Variants in PLA2G4C observed in about 807,000 individuals in gnomAD.
The protein encoded by PLA2G4C is cytosolic phospholipase A2 gamma.
A neutral mutation model predicts 73.8 loss-of-function variants in PLA2G4C; 64 were observed. The observed-to-expected ratio is 0.87, with a 90% CI of 0.71 to 1.07. PLA2G4C has a LOEUF of 1.07. Among genes scored for constraint, PLA2G4C ranks in the 50% least tolerant of loss-of-function variants. PLA2G4C has a pLI of 0.00. For synonymous variants in PLA2G4C, 254 were observed against 252.1 expected (o/e 1.01, Z -0.07); for missense variants, 622 against 665.4 (o/e 0.93, Z 0.72).
At chr19:48,087,955 T>C (rs1484195147) in intron 9 of PLA2G4C, among the ~76,000 whole-genome samples, 1 of 141,752 alleles carries the variant, frequency 7.1e-6, no homozygotes, top group Admixed American at 7.0e-5. Context: ...AAAAAAAAAA[T>C]CTCGATGCAA....
At chr19:48,079,372 T>C (rs937697355) in intron 10 of PLA2G4C, among the ~76,000 whole-genome samples, 2 of 152,102 alleles carry the variant, frequency 1.3e-5, no homozygotes, top group Non-Finnish European at 2.9e-5. Context: ...AGCCAAATAC[T>C]TATAGCCAAG....
chr19:48,091,239 G>T (rs34798742), intron 7 of PLA2G4C, among the ~76,000 whole-genome samples: 48,205 of 151,896 alleles, frequency 0.32, 7,980 homozygotes, highest in East Asian at 0.54. Flanking sequence ...AGGCTGGAGT[G>T]CAGTGGTGTG....
At chr19:48,064,047 GT>G (rs1968309075) in intron 13 of PLA2G4C, 2 of 152,088 alleles carry the variant, frequency 1.3e-5, no homozygotes, top group African/African-American at 4.8e-5. Flanking sequence ...TCCTCCTTTT[GT>G]TATATATAGG....
chr19:48,052,088 C>T (rs969636216), intron 16 of PLA2G4C: 1 of 151,970 alleles, frequency 6.6e-6, no homozygotes, highest in Admixed American at 6.6e-5. Flanking sequence ...ACTATGTTGC[C>T]CAGGCAGATC....
chr19:48,053,249 G>T, intron 15 of PLA2G4C, 102 bp from the exon 16 acceptor site: 1 of 789,474 alleles, frequency 1.3e-6, no homozygotes, highest in Non-Finnish European at 1.9e-6. Context: ...AACTACAGTT[G>T]TGGACCAAAT....
Position 48,105,421 on chromosome 19 carries a change from C to T in PLA2G4C, c.32G>A (p.Gly11Glu), listed in dbSNP as rs1158338030. 2.5e-6 allele frequency: 4 copies of T among 1,613,524 alleles called. No homozygotes were observed. Among genetic ancestry groups the T allele is most frequent in the African/African-American group, 1.3e-5 (1 of 74,948 alleles). The stretch of plus-strand genomic sequence containing the variant: ...GGCCGCCTTTTCTTCTTTCTGGAGC[C>T]CAGGAATTATGGAAACTTCAGAGCT... The part of the protein sequence containing the change: MGSSEVSIIP[G>E]LQKEEKAAVE... Residue 11 changes from glycine (G) to glutamate (E), a missense_variant, in exon 3 of 17, where the codon GGG (glycine) becomes GAG (glutamate). Gly to Glu is a moderately conservative substitution (Grantham distance 98). Coordinates refer to ENST00000599921, the MANE Select transcript of PLA2G4C (RefSeq NM_003706.3).
At chr19:48,099,385 A>G (rs371912327) in intron 5 of PLA2G4C, among the ~76,000 whole-genome samples, 4 of 152,346 alleles carry the variant, frequency 2.6e-5, no homozygotes, top group Admixed American at 1.3e-4. Context: ...TTATTCCATC[A>G]TAAGTCCTCA....
chr19:48,053,354 G>C (rs1393738687), intron 15 of PLA2G4C, among the ~76,000 whole-genome samples: 1 of 146,050 alleles, frequency 6.8e-6, no homozygotes, highest in African/African-American at 2.6e-5. Flanking sequence ...GCCCCTTCCG[G>C]TCCTTTTTTC....
At chr19:48,109,552 A>G (rs1416621757) in intron 1 of PLA2G4C, among the ~76,000 whole-genome samples, 1 of 152,202 alleles carries the variant, frequency 6.6e-6, no homozygotes, top group Non-Finnish European at 1.5e-5. Flanking sequence ...GATTATAGGC[A>G]TGAGTCATCG....
At position 48,053,887 on chromosome 19, in the gene PLA2G4C, G is replaced by A. The variant is rs112914778; in HGVS notation, c.1430-740C>T. 9.8e-5 allele frequency among the ~76,000 whole-genome samples: 15 copies of A among 152,310 alleles called. 1 individual carries two copies. The highest frequency in any genetic ancestry group is 3.3e-4 in the Admixed American group (5 of 15,280). ...CAGGCCCCGGAGGACCACCCATCCT[G>A]GATGCTAGGCCTTCCAAGCAGCTGC... is the stretch of plus-strand genomic sequence containing the variant. On this transcript the variant is annotated intron_variant, in intron 15 of 16. Coordinates refer to ENST00000599921, the MANE Select transcript of PLA2G4C (RefSeq NM_003706.3).
At chr19:48,074,707 A>AG in intron 12 of PLA2G4C, 60 bp downstream of exon 12, 1 of 1,130,258 alleles carries the variant, frequency 8.8e-7, no homozygotes, top group Non-Finnish European at 1.4e-6. Context: ...GAAGAGCAAG[A>AG]GGGGGGAGAA....
chr19:48,091,975 C>T (rs973853480), intron 7 of PLA2G4C, among the ~76,000 whole-genome samples: 4 of 149,534 alleles, frequency 2.7e-5, no homozygotes, highest in Non-Finnish European at 4.4e-5. Context: ...TTGATGAGGA[C>T]GTGGAGAAAT....
intron 1 of PLA2G4C, 132 bp downstream of exon 1, chr19:48,110,349 AAAAAAT>A: frequency 1.7e-6 from 1 of 573,890 alleles, no homozygotes; most frequent in South Asian, 4.2e-5. Context: ...CTGTCTCAAA[AAAAAAT>A]AAATAAATAA....
At chr19:48,067,317 G>A (rs566861919) in intron 13 of PLA2G4C, among the ~76,000 whole-genome samples, 1 of 151,898 alleles carries the variant, frequency 6.6e-6, no homozygotes, top group East Asian at 2.0e-4. Flanking sequence ...ACAGGCACCC[G>A]CCACCCTGTC....
At chr19:48,093,640 C>T (rs534548625) in intron 7 of PLA2G4C, among the ~76,000 whole-genome samples, 146 of 152,302 alleles carry the variant, frequency 9.6e-4, no homozygotes, top group African/African-American at 3.5e-3. Context: ...CTCTCTCAGC[C>T]TCATTCAGGA....
chr19:48,057,474 CTTCTTCTTCTTTTTTT>C (rs1263206607), intron 14 of PLA2G4C, among the ~76,000 whole-genome samples: 2 of 16,846 alleles, frequency 1.2e-4, no homozygotes, highest in African/African-American at 2.2e-4. Flanking sequence ...TCTTCTTCTT[CTTCTTCTTCTTTTTTT>C]TTTTTTTTTT....
In PLA2G4C at chr19:48,095,443, C is replaced by T. The variant is rs200682292; in HGVS notation, c.709+21G>A. 247 of 1,609,120 alleles carry T rather than the reference C, an allele frequency of 1.5e-4. 1 individual carries two copies. The highest frequency in any genetic ancestry group is 1.9e-4 in the Non-Finnish European group (225 of 1,176,720). ...CTCCACTTCCCACCCCCTTTTAATC[C>T]CCTCTGACCCCAGCGCTGACCTCTC... On this transcript the variant is annotated intron_variant, in intron 7 of 16. Coordinates refer to ENST00000599921, the MANE Select transcript of PLA2G4C (RefSeq NM_003706.3).
chr19:48,073,719 G>T (rs1416982312), intron 12 of PLA2G4C, among the ~76,000 whole-genome samples: 1 of 152,050 alleles, frequency 6.6e-6, no homozygotes, highest in Non-Finnish European at 1.5e-5. Context: ...GGGGCCTCAG[G>T]AAGCTTCCAA....
chr19:48,085,321 A>G (rs2030909611), intron 9 of PLA2G4C, among the ~76,000 whole-genome samples: 1 of 152,144 alleles, frequency 6.6e-6, no homozygotes, highest in East Asian at 1.9e-4. Flanking sequence ...AACAAGACAG[A>G]TTTGTCCTCA....
Sources: allele counts gnomAD v4.1 joint callset (sites outside exome capture counted in the v4.1 genomes callset), GRCh38; gene constraint gnomAD v4.1.1; transcripts MANE v1.5; gene names NCBI Gene and HGNC (gene_info 2026-07-23, HGNC 2026-07-21).